CLDN10: variants seen among roughly 807,000 people sequenced by gnomAD.
The protein encoded by CLDN10 is claudin 10, also known as claudin-10.
CLDN10 carries 15 observed loss-of-function variants against 22.9 expected under a neutral mutation model. That is an observed-to-expected ratio of 0.65 (90% confidence interval 0.44 to 1.01). The LOEUF is 1.01. Ranked by LOEUF, CLDN10 falls within the 50% of genes least tolerant of loss-of-function variation. CLDN10 has a pLI of 0.00. For synonymous variants in CLDN10, 114 were observed against 111.4 expected (o/e 1.02, Z -0.15); for missense variants, 247 against 287.8 (o/e 0.86, Z 1.03).
At position 95,448,719 on chromosome 13, in the gene CLDN10, GTATTT is replaced by G. The variant is rs59288111; in HGVS notation, c.214+14704_214+14708del. Among the ~76,000 whole-genome samples, 276 of 144,212 alleles carry G rather than the reference GTATTT, an allele frequency of 1.9e-3. 2 individuals carry two copies. The highest frequency in any genetic ancestry group is 9.0e-3 in the South Asian group (39 of 4,310). The allele number at this position is 144,212 out of a possible 152,430, so 94.6% of individuals were successfully genotyped here. On this transcript the variant is annotated intron_variant, in intron 1 of 4. Coordinates refer to the CLDN10 transcript ENST00000376873. ...CATCATCTTTGTCCACTAAGCCATA[GTATTT>G]TATTTTATTTTATTTTATTTTATTT...
At chr13:95,537,148 G>A (rs2043408844) in intron 1 of CLDN10, among the ~76,000 whole-genome samples, 1 of 152,006 alleles carries the variant, frequency 6.6e-6, no homozygotes, top group Non-Finnish European at 1.5e-5. Flanking sequence ...ATTAAGTGGG[G>A]GAAAAGAAAA....
At chr13:95,457,736 A>G (rs1417717472) in intron 1 of CLDN10, among the ~76,000 whole-genome samples, 2 of 152,056 alleles carry the variant, frequency 1.3e-5, no homozygotes, top group African/African-American at 2.4e-5. Context: ...CAGCCTGGGT[A>G]TATAGTGATG....
In CLDN10 at chr13:95,560,429, A is replaced by G. The variant is rs776122725; in HGVS notation, c.430A>G (p.Thr144Ala). ...TTCCCTATATGCAAACAAAATCACAACGGAATTCTTTGATCCTCTCTTTGT... is the reference window on the plus strand; with the variant it reads ...TTCCCTATATGCAAACAAAATCACAGCGGAATTCTTTGATCCTCTCTTTGT... ...GCSLYANKITTEFFDPLFVEQ... is the reference protein window; with the variant it reads ...GCSLYANKITAEFFDPLFVEQ... The change falls in exon 3 of 5, where the codon ACG becomes GCG. Residue 144 changes from threonine to alanine, a missense_variant. Transcript: ENST00000299339. 11 of 1,614,066 alleles carry G rather than the reference A, an allele frequency of 6.8e-6. No homozygotes were observed. In the East Asian group the frequency reaches 2.0e-4, roughly 29 times the overall value.
At chr13:95,458,905 CA>C (rs1426721035) in intron 1 of CLDN10, among the ~76,000 whole-genome samples, 2 of 152,184 alleles carry the variant, frequency 1.3e-5, no homozygotes, top group African/African-American at 4.8e-5. Context: ...CCTGTAAAAT[CA>C]AAAGCAAGTT....
rs114813638 is a variant in CLDN10, at chr13:95,577,947, A to G, written c.620A>G (p.Tyr207Cys). ...TCTGTCATGTCTTCTCGGACAAAGT[A>G]TCATGGTGGAGAAGATTTTAAAACA... ...ATSVMSSRTK[Y>C]HGGEDFKTTN... Residue 207 changes from tyrosine to cysteine, a missense_variant, in exon 5 of 5, where the codon TAT becomes TGT. Tyr to Cys is a radical substitution (Grantham distance 194). Coordinates refer to ENST00000299339, the MANE Select transcript of CLDN10 (RefSeq NM_006984.5). The G allele has an allele frequency of 2.5e-5, 41 of 1,614,004 alleles. No homozygotes were observed. The Middle Eastern group carries it at 6.6e-4, about 26-fold the overall frequency.
chr13:95,488,373 T>A (rs1594556469), intron 1 of CLDN10, among the ~76,000 whole-genome samples: 2 of 143,062 alleles, frequency 1.4e-5, no homozygotes, highest in African/African-American at 5.4e-5. Context: ...TTTTTAACAA[T>A]TTTTTTTCCA....
chr13:95,460,883 C>T (rs567882445), intron 1 of CLDN10, among the ~76,000 whole-genome samples: 4 of 152,218 alleles, frequency 2.6e-5, no homozygotes, highest in African/African-American at 9.6e-5. Flanking sequence ...CTGAGGCCGG[C>T]GGATTGCCTG....
At chr13:95,552,577 G>A (rs1566332527), upstream of CLDN10, 4 of 690,728 alleles carry the variant, frequency 5.8e-6, no homozygotes, top group African/African-American at 1.9e-5. Context: ...CCCCTCAAGG[G>A]ACAGGGCATG....
intron 1 of CLDN10, among the ~76,000 whole-genome samples, chr13:95,521,373 G>A (rs71433025): frequency 0.1 from 15,155 of 152,108 alleles, 925 homozygotes; most frequent in Middle Eastern, 0.13. Context: ...TTTTTGATAA[G>A]ATTTTTATAA....
intron 1 of CLDN10, among the ~76,000 whole-genome samples, chr13:95,509,500 C>T (rs976967204): frequency 3.3e-5 from 5 of 152,044 alleles, no homozygotes; most frequent in East Asian, 1.9e-4. Flanking sequence ...GCAGGCAGTG[C>T]GAAAATTCAT....
intron 1 of CLDN10, among the ~76,000 whole-genome samples, chr13:95,500,176 C>T (rs1441656087): frequency 2.8e-5 from 4 of 140,782 alleles, no homozygotes; most frequent in African/African-American, 9.9e-5. Flanking sequence ...CAAAGGCTCC[C>T]CATTCTCCTA....
chr13:95,534,486 C>T (rs2043379249), intron 1 of CLDN10, among the ~76,000 whole-genome samples: 1 of 152,008 alleles, frequency 6.6e-6, no homozygotes. Context: ...TAGTAAATAT[C>T]TTTTGTTATT....
intron 1 of CLDN10, among the ~76,000 whole-genome samples, chr13:95,448,846 T>G (rs1317703152): frequency 6.6e-6 from 1 of 151,986 alleles, no homozygotes. Context: ...TTCAAGTGAT[T>G]CTCGGTCCTC....
In CLDN10 at chr13:95,498,215, T is replaced by C. The variant is rs2042948118; in HGVS notation, c.215-61917T>C. Reference sequence around the variant, plus strand: ...CTCCCAGCATGACTATCCTGCCTTCTCACTACTGTTTCATTGAATCCTCCA... The same window carrying C: ...CTCCCAGCATGACTATCCTGCCTTCCCACTACTGTTTCATTGAATCCTCCA... On this transcript the variant is annotated intron_variant, in intron 1 of 4. Coordinates refer to the CLDN10 transcript ENST00000376873. Among the ~76,000 whole-genome samples the C allele has an allele frequency of 3.9e-5, 6 of 152,160 alleles. No individual in the cohort carries two copies. The South Asian group carries it at 1.2e-3, about 32-fold the overall frequency.
intron 1 of CLDN10, among the ~76,000 whole-genome samples, chr13:95,457,589 G>C (rs950434782): frequency 5.9e-5 from 9 of 152,086 alleles, no homozygotes; most frequent in Non-Finnish European, 1.5e-5. Context: ...TCGAGTTTCA[G>C]ATACTCTGCA....
chr13:95,517,195 C>T (rs1453625209), intron 1 of CLDN10, among the ~76,000 whole-genome samples: 2 of 150,316 alleles, frequency 1.3e-5, no homozygotes, highest in African/African-American at 4.9e-5. Context: ...AAATTTTTCT[C>T]TTTCCTAACT....
intron 1 of CLDN10, among the ~76,000 whole-genome samples, chr13:95,465,840 A>G (rs2042577338): frequency 6.6e-6 from 1 of 152,192 alleles, no homozygotes; most frequent in Non-Finnish European, 1.5e-5. Flanking sequence ...GAGATCCTCT[A>G]GAATAGGTGC....
chr13:95,576,214 G>A (rs2043922117), intron 3 of CLDN10, among the ~76,000 whole-genome samples: 1 of 152,108 alleles, frequency 6.6e-6, no homozygotes, highest in Non-Finnish European at 1.5e-5. Flanking sequence ...CCTGAGGAAG[G>A]AACTAACCCT....
At chr13:95,536,759 T>C (rs2138616169) in intron 1 of CLDN10, among the ~76,000 whole-genome samples, 1 of 151,012 alleles carries the variant, frequency 6.6e-6, no homozygotes, top group South Asian at 2.1e-4. Context: ...CCCACGGTCC[T>C]TACAATAAAA....
Sources: allele counts gnomAD v4.1 joint callset (sites outside exome capture counted in the v4.1 genomes callset), GRCh38; gene constraint gnomAD v4.1.1; transcripts MANE v1.5; gene names NCBI Gene and HGNC (gene_info 2026-07-23, HGNC 2026-07-21).